Variants in CAMK1D observed in about 807,000 individuals in gnomAD.
The protein encoded by CAMK1D is calcium/calmodulin-dependent protein kinase type 1D.
CAMK1D carries 9 observed loss-of-function variants against 47.7 expected under a neutral mutation model. That is an observed-to-expected ratio of 0.19 (90% CI 0.11 to 0.33). The LOEUF is 0.33. Among genes scored for constraint, CAMK1D ranks in the 10% least tolerant of loss-of-function variants. The pLI is 1.00. For synonymous variants in CAMK1D, 184 were observed against 184.9 expected (o/e 0.99, Z 0.04); for missense variants, 291 against 488.7 (o/e 0.60, Z 3.81).
Position 12,511,790 on chromosome 10 carries a change from C to T in CAMK1D, c.93-41435C>T, listed in dbSNP as rs7093060. Reference sequence around the variant, plus strand: ...TGGGCCGCCCAGAAGGATCGGCTCTCCTGGATAGACACGAGACTTTCTTTC... The same window carrying T: ...TGGGCCGCCCAGAAGGATCGGCTCTTCTGGATAGACACGAGACTTTCTTTC... On this transcript the variant is annotated intron_variant, in intron 1 of 10. Coordinates refer to ENST00000619168, the MANE Select transcript of CAMK1D (RefSeq NM_153498.4). Among the ~76,000 whole-genome samples the T allele has an allele frequency of 1.3e-4, 20 of 152,356 alleles. 1 individual carries two copies. Among genetic ancestry groups the T allele is most frequent in the Middle Eastern group, 3.4e-3 (1 of 294 alleles).
rs149392833 is a variant in CAMK1D at position 12,400,702 on chromosome 10, G to C, written c.92+50792G>C. ...TGATTTCTCTGGAATCCCCACTTGA[G>C]GGCTTTATGTTTTCACAGATGGAGA... On this transcript the variant is annotated intron_variant, in intron 1 of 10. Coordinates refer to ENST00000619168, the MANE Select transcript of CAMK1D (RefSeq NM_153498.4). Among the ~76,000 whole-genome samples the C allele has an allele frequency of 2.1e-3, 326 of 152,148 alleles. 2 individuals carry two copies. The highest frequency in any genetic ancestry group is 4.1e-3 in the Non-Finnish European group (276 of 67,996).
chr10:12,615,779 T>C (rs1239996731), intron 2 of CAMK1D, among the ~76,000 whole-genome samples: 1 of 151,122 alleles, frequency 6.6e-6, no homozygotes, highest in East Asian at 1.9e-4. Flanking sequence ...TGTAAGTGCA[T>C]GTGTGTAGTG....
At chr10:12,751,081 GATAAGATAAGAT>G in intron 3 of CAMK1D, among the ~76,000 whole-genome samples, 1 of 61,812 alleles carries the variant, frequency 1.6e-5, no homozygotes. Context: ...GATAAGATAA[GATAAGATAAGAT>G]AAGATAAGAT....
chr10:12,816,775 G>A (rs1285657941), intron 8 of CAMK1D, among the ~76,000 whole-genome samples: 1 of 150,564 alleles, frequency 6.6e-6, no homozygotes, highest in Non-Finnish European at 1.5e-5. Flanking sequence ...GCAAGGCTGA[G>A]TCAGGACAAT....
chr10:12,741,280 A>G (rs1431661251), intron 3 of CAMK1D, among the ~76,000 whole-genome samples: 1 of 152,238 alleles, frequency 6.6e-6, no homozygotes, highest in Non-Finnish European at 1.5e-5. Context: ...CATGCTTAGC[A>G]GAGACCACAT....
intron 1 of CAMK1D, among the ~76,000 whole-genome samples, chr10:12,462,550 G>A (rs564677191): frequency 1.3e-5 from 2 of 151,344 alleles, no homozygotes; most frequent in Admixed American, 6.6e-5. Context: ...CAGAATTGTT[G>A]TAAAATATGA....
intron 3 of CAMK1D, among the ~76,000 whole-genome samples, chr10:12,750,841 G>A (rs989468347): frequency 3.3e-5 from 5 of 152,060 alleles, no homozygotes; most frequent in East Asian, 1.9e-4. Context: ...ACCTGAGGTC[G>A]GAAATTTGAG....
chr10:12,650,195 G>A (rs148125667), intron 2 of CAMK1D, among the ~76,000 whole-genome samples: 2 of 152,348 alleles, frequency 1.3e-5, no homozygotes, highest in East Asian at 3.9e-4. Flanking sequence ...TGCCCTTGCT[G>A]ATGTGGTTCC....
At chr10:12,428,222 T>A (rs1165259680) in intron 1 of CAMK1D, among the ~76,000 whole-genome samples, 1 of 152,044 alleles carries the variant, frequency 6.6e-6, no homozygotes, top group Non-Finnish European at 1.5e-5. Flanking sequence ...CCTCCCTGTG[T>A]CCATGTGTTC....
In CAMK1D at chr10:12,625,491, C is replaced by T. The variant is rs547806292; in HGVS notation, c.225-41245C>T. On this transcript the variant is annotated intron_variant, in intron 2 of 10. Coordinates refer to ENST00000619168, the MANE Select transcript of CAMK1D (RefSeq NM_153498.4). The stretch of plus-strand genomic sequence containing the variant: ...CTAGGACTACAGGCATGCACCACCA[C>T]GCCTGATTGATTTTTATTTTTATTT... 1.6e-3 allele frequency among the ~76,000 whole-genome samples: 235 copies of T among 150,874 alleles called. 2 individuals are homozygous for T. The highest frequency in any genetic ancestry group is 5.4e-3 in the African/African-American group (222 of 41,072).
chr10:12,828,811 C>CG lies in CAMK1D; in HGVS notation c.1087dup (p.Val363GlyfsTer89). 1.9e-6 allele frequency: 3 copies of CG among 1,613,838 alleles called. No individual in the cohort carries two copies. The highest frequency in any genetic ancestry group is 3.3e-5 in the Admixed American group (2 of 60,002). On this transcript the variant is annotated frameshift_variant, in exon 11 of 11. Coordinates refer to ENST00000619168, the MANE Select transcript of CAMK1D (RefSeq NM_153498.4). LOFTEE classifies it high-confidence loss of function. ...CTCTGTAGTTTCATTTCTTCTTCGT[C>CG]GGGGGTCTCAGGAGTTGGAGCCGAG...
chr10:12,425,177 G>A (rs540095258), intron 1 of CAMK1D, among the ~76,000 whole-genome samples: 45 of 152,128 alleles, frequency 3.0e-4, no homozygotes, highest in African/African-American at 9.9e-4. Flanking sequence ...GCTGGCTCCT[G>A]GGCACCCTCT....
chr10:12,792,563 C>T (rs906859822), intron 6 of CAMK1D, among the ~76,000 whole-genome samples: 1 of 152,196 alleles, frequency 6.6e-6, no homozygotes, highest in Non-Finnish European at 1.5e-5. Flanking sequence ...CTCTTCTCCT[C>T]CAGGAATGCT....
chr10:12,714,963 C>G (rs1834071528), intron 3 of CAMK1D, among the ~76,000 whole-genome samples: 1 of 152,072 alleles, frequency 6.6e-6, no homozygotes, highest in East Asian at 1.9e-4. Context: ...GGGAACACCT[C>G]AAGTCCTCTC....
chr10:12,619,021 G>A (rs1838909142), intron 2 of CAMK1D, among the ~76,000 whole-genome samples: 1 of 152,212 alleles, frequency 6.6e-6, no homozygotes, highest in Non-Finnish European at 1.5e-5. Flanking sequence ...TCAGTGCTAT[G>A]CAGTACTACT....
intron 1 of CAMK1D, among the ~76,000 whole-genome samples, chr10:12,525,543 G>A (rs980977489): frequency 6.6e-6 from 1 of 151,618 alleles, no homozygotes; most frequent in Non-Finnish European, 1.5e-5. Context: ...CAATTATTCT[G>A]TGTTTCAAGT....
chr10:12,581,354 T>C (rs1837658857), intron 2 of CAMK1D, among the ~76,000 whole-genome samples: 1 of 152,232 alleles, frequency 6.6e-6, no homozygotes, highest in Non-Finnish European at 1.5e-5. Context: ...AACATGCATG[T>C]GCAAGTATGT....
chr10:12,572,816 A>G (rs749769833), intron 2 of CAMK1D, among the ~76,000 whole-genome samples: 3 of 152,020 alleles, frequency 2.0e-5, no homozygotes, highest in Non-Finnish European at 4.4e-5. Flanking sequence ...TTTTTTGTAG[A>G]GATGGGAAGT....
chr10:12,833,943 T>C lies in CAMK1D; in HGVS notation c.*5056T>C, dbSNP rs970374523. ...AAAAAAAAAAAAAAAAAAAAAGATG[T>C]ATATACCTGTATGTGATCCACCACC... On this transcript the variant is annotated 3_prime_UTR_variant, in exon 11 of 11. Transcript: ENST00000619168. 2 of 146,798 alleles carry C rather than the reference T, an allele frequency of 1.4e-5. No homozygotes were observed. The highest frequency in any genetic ancestry group is 2.5e-5 in the African/African-American group (1 of 39,332). 9.1% of individuals were successfully genotyped at this position (146,798 alleles called of 1,614,324 possible). A position where few individuals can be genotyped will look rare whatever the true frequency, so the allele number is the denominator to read the frequency against.
Sources: allele counts gnomAD v4.1 joint callset (sites outside exome capture counted in the v4.1 genomes callset), GRCh38; gene constraint gnomAD v4.1.1; transcripts MANE v1.5; gene names NCBI Gene and HGNC (gene_info 2026-07-23, HGNC 2026-07-21).